The following TENM2 variants were observed in gnomAD, a reference collection of about 807,000 sequenced individuals.
TENM2 encodes teneurin-2.
TENM2 carries 52 observed loss-of-function variants against 245.2 expected under a neutral mutation model. The observed-to-expected ratio is 0.21, with a 90% CI of 0.17 to 0.27. The LOEUF (loss-of-function observed/expected upper bound fraction) is 0.27. TENM2 is among the 10% of genes least tolerant of loss of function. The pLI is 1.00. For missense variants in TENM2, 3,046 were observed against 3,666.8 expected, an observed-to-expected ratio of 0.83 and a Z score of 4.37; for synonymous variants, 1,363 against 1,438.9, an observed-to-expected ratio of 0.95 and a Z score of 1.19.
the TENM2 span, among the ~76,000 whole-genome samples, chr5:167,228,868 C>G: frequency 6.6e-6 from 1 of 152,114 alleles, no homozygotes; most frequent in African/African-American, 2.4e-5. Flanking sequence ...CCACGCCCGG[C>G]TACTTTTTGG....
the TENM2 span, among the ~76,000 whole-genome samples, chr5:167,207,181 C>A: frequency 1.3e-5 from 2 of 152,198 alleles, no homozygotes; most frequent in Admixed American, 6.5e-5. Flanking sequence ...ATTCCATCAT[C>A]TCTTGGTGAG....
intron 2 of TENM2, among the ~76,000 whole-genome samples, chr5:167,679,182 C>G (rs1393879531): frequency 1.3e-5 from 2 of 152,116 alleles, no homozygotes; most frequent in African/African-American, 4.8e-5. Flanking sequence ...TTCTCTATAA[C>G]TTTAAAATGT....
At chr5:167,570,415 G>A (rs951312914) in intron 2 of TENM2, among the ~76,000 whole-genome samples, 1 of 146,838 alleles carries the variant, frequency 6.8e-6, no homozygotes. Context: ...TCTTAAAACG[G>A]CTGTTTTCAA....
intron 1 of TENM2, among the ~76,000 whole-genome samples, chr5:167,285,783 A>C (rs1253503683): frequency 6.6e-6 from 1 of 152,216 alleles, no homozygotes; most frequent in African/African-American, 2.4e-5. Flanking sequence ...TGCACTTTAC[A>C]TTGATGGCTC....
chr5:167,383,064 C>G (rs979886363), intron 2 of TENM2, among the ~76,000 whole-genome samples: 4 of 151,986 alleles, frequency 2.6e-5, no homozygotes, highest in Admixed American at 6.6e-5. Flanking sequence ...GCTAATTGCT[C>G]TGCATTGGAC....
At chr5:168,224,956 T>G (rs909196714) in intron 23 of TENM2, among the ~76,000 whole-genome samples, 3 of 152,056 alleles carry the variant, frequency 2.0e-5, no homozygotes, top group Non-Finnish European at 4.4e-5. Context: ...CAAGGCTTCT[T>G]GCTAAAGGTG....
the TENM2 span, among the ~76,000 whole-genome samples, chr5:167,014,048 A>T: frequency 6.6e-6 from 1 of 151,830 alleles, no homozygotes; most frequent in Non-Finnish European, 1.5e-5. Flanking sequence ...ATTGAAATGC[A>T]TTAAAAAAGT....
chr5:167,801,005 G>A (rs557080490), intron 2 of TENM2, among the ~76,000 whole-genome samples: 16 of 148,692 alleles, frequency 1.1e-4, no homozygotes, highest in African/African-American at 3.2e-4. Flanking sequence ...AAAGAACAAC[G>A]CTCTCATTCC....
At chr5:167,393,767 A>G (rs1761900598) in intron 2 of TENM2, among the ~76,000 whole-genome samples, 1 of 152,198 alleles carries the variant, frequency 6.6e-6, no homozygotes, top group African/African-American at 2.4e-5. Flanking sequence ...AGAAGACAAG[A>G]GTAGGGAGAA....
At chr5:168,137,613 G>A (rs1755160430) in intron 12 of TENM2, among the ~76,000 whole-genome samples, 1 of 152,226 alleles carries the variant, frequency 6.6e-6, no homozygotes. Context: ...AGGGCAAGGA[G>A]ATTGTTTCCC....
At chr5:167,619,481 G>C (rs1278604211) in intron 2 of TENM2, among the ~76,000 whole-genome samples, 1 of 152,018 alleles carries the variant, frequency 6.6e-6, no homozygotes, top group Non-Finnish European at 1.5e-5. Context: ...TTAAAGTCAT[G>C]GTCTCTGGAG....
chr5:167,765,887 A>G (rs1762986791), intron 2 of TENM2, among the ~76,000 whole-genome samples: 1 of 152,126 alleles, frequency 6.6e-6, no homozygotes, highest in Non-Finnish European at 1.5e-5. Flanking sequence ...TTTTCTGTAA[A>G]TCGCTTGTAA....
intron 10 of TENM2, among the ~76,000 whole-genome samples, chr5:168,119,330 G>T (rs1795310681): frequency 6.6e-6 from 1 of 152,206 alleles, no homozygotes; most frequent in African/African-American, 2.4e-5. Flanking sequence ...AGGAGAGGGG[G>T]ACATAGAAGA....
intron 2 of TENM2, among the ~76,000 whole-genome samples, chr5:167,451,681 C>T (rs1203384661): frequency 6.6e-6 from 1 of 151,492 alleles, no homozygotes; most frequent in East Asian, 1.9e-4. Flanking sequence ...CGGAGTCTCG[C>T]TCTGTCACCC....
chr5:167,813,768 G>A (rs572781373), intron 2 of TENM2, among the ~76,000 whole-genome samples: 6 of 152,142 alleles, frequency 3.9e-5, no homozygotes, highest in East Asian at 3.9e-4. Context: ...TGTAGCCTTC[G>A]TAAGTCCTAA....
At chr5:168,241,486 T>G (rs1006691409) in intron 25 of TENM2, among the ~76,000 whole-genome samples, 2 of 150,656 alleles carry the variant, frequency 1.3e-5, no homozygotes, top group African/African-American at 4.9e-5. Flanking sequence ...GGTCTCAAAC[T>G]CCTGACCTCA....
intron 7 of TENM2, chr5:168,085,490 C>T (rs1223033775): frequency 3.3e-5 from 5 of 152,148 alleles, no homozygotes; most frequent in East Asian, 3.9e-4. Flanking sequence ...GCAGCTGGGC[C>T]GATTGCATTT....
In TENM2 at chr5:167,780,479, G is replaced by T. The variant is rs75633664; in HGVS notation, c.503-95507G>T. 4.4e-3 allele frequency among the ~76,000 whole-genome samples: 674 copies of T among 152,208 alleles called. 4 individuals are homozygous for T. Among genetic ancestry groups the T allele is most frequent in the African/African-American group, 0.016 (655 of 41,528 alleles). On this transcript the variant is annotated intron_variant, in intron 2 of 28. Coordinates refer to ENST00000518659, the Ensembl canonical transcript of TENM2. ...TTAGTGCCATTTTTCCCACATTTGT[G>T]TACTTTTTGTTGGTGATTTTGCTGT...
In TENM2 at chr5:167,926,704, AGAGT is replaced by A. The variant is rs1777788523; in HGVS notation, c.713-25880_713-25877del. 2.7e-5 allele frequency among the ~76,000 whole-genome samples: 4 copies of A among 148,930 alleles called. No individual in the cohort carries two copies. In the South Asian group the frequency reaches 8.7e-4, roughly 32 times the overall value. ...GCCACTGCACTTCAGCCTGGGTGAC[AGAGT>A]GAGATTCCACCACACACACACACAC... On this transcript the variant is annotated intron_variant, in intron 3 of 28. Transcript: ENST00000518659.
Sources: allele counts gnomAD v4.1 joint callset (sites outside exome capture counted in the v4.1 genomes callset), GRCh38; gene constraint gnomAD v4.1.1; transcripts MANE v1.5; gene names NCBI Gene and HGNC (gene_info 2026-07-23, HGNC 2026-07-21).